SH2B1: variants seen among roughly 807,000 people sequenced by gnomAD.
SH2B1 encodes SH2B adapter protein 1.
A neutral mutation model predicts 62.6 loss-of-function variants in SH2B1; 15 were observed. The ratio of observed to expected loss-of-function variants is 0.24; its 90% confidence interval spans 0.16 to 0.37. SH2B1 has a LOEUF of 0.37. Ranked by LOEUF, SH2B1 falls within the 10% of genes least tolerant of loss-of-function variation. The pLI, the probability that SH2B1 is intolerant of heterozygous loss-of-function variation, is 1.00. For synonymous variants in SH2B1, 443 were observed against 438.0 expected, an observed-to-expected ratio of 1.01 and a Z score of -0.14; for missense variants, 925 against 1,015.6, an observed-to-expected ratio of 0.91 and a Z score of 1.21.
chr16:28,854,421 A>G (rs1237819981), intron 1 of SH2B1, among the ~76,000 whole-genome samples: 1 of 152,102 alleles, frequency 6.6e-6, no homozygotes, highest in Non-Finnish European at 1.5e-5. Flanking sequence ...TATCTCAATC[A>G]TGGTAGGTGA....
chr16:28,853,037 CAT>C (rs1247937288), intron 1 of SH2B1, among the ~76,000 whole-genome samples: 1 of 79,236 alleles, frequency 1.3e-5, no homozygotes, highest in East Asian at 4.0e-4. Flanking sequence ...TATATATGTA[CAT>C]ATATATTTAT....
intron 1 of SH2B1, among the ~76,000 whole-genome samples, chr16:28,847,029 C>T (rs1040977649): frequency 2.6e-5 from 4 of 152,204 alleles, no homozygotes; most frequent in African/African-American, 9.6e-5. Flanking sequence ...TGCGGGGACC[C>T]TGTACTGCTA....
intron 2 of SH2B1, 151 bp from the exon 3 acceptor site, chr16:28,868,855 G>A: frequency 1.5e-6 from 1 of 666,958 alleles, no homozygotes; most frequent in South Asian, 1.7e-5. Context: ...AGAGGTGCTG[G>A]GATTACAGGT....
chr16:28,855,528 T>C (rs566844897), intron 1 of SH2B1, among the ~76,000 whole-genome samples: 5 of 150,880 alleles, frequency 3.3e-5, no homozygotes, highest in African/African-American at 1.2e-4. Flanking sequence ...GCCCCCATGA[T>C]TGTTTCTACC....
At chr16:28,847,580 G>A (rs768318651) in intron 1 of SH2B1, among the ~76,000 whole-genome samples, 66 of 152,102 alleles carry the variant, frequency 4.3e-4, no homozygotes, top group Non-Finnish European at 7.9e-4. Flanking sequence ...CAGTTTGGGA[G>A]GCTGAGGTGG....
At chr16:28,849,281 A>G (rs1962048380) in intron 1 of SH2B1, among the ~76,000 whole-genome samples, 1 of 151,984 alleles carries the variant, frequency 6.6e-6, no homozygotes, top group African/African-American at 2.4e-5. Flanking sequence ...TTTTTTGTAG[A>G]GATGGGGTTT....
chr16:28,856,320 T>A (rs1962324820), intron 1 of SH2B1, among the ~76,000 whole-genome samples: 1 of 151,618 alleles, frequency 6.6e-6, no homozygotes, highest in African/African-American at 2.4e-5. Flanking sequence ...GCCTAATACT[T>A]AAGTGAATCA....
At position 28,874,024 on chromosome 16, in the gene SH2B1, C is replaced by T. The variant is rs895483287; in HGVS notation, c.*204C>T. 14 of 430,814 alleles carry T rather than the reference C, an allele frequency of 3.2e-5. No homozygotes were observed. The highest frequency in any genetic ancestry group is 1.8e-4 in the Admixed American group (4 of 22,676). The allele number at this position is 430,814 out of a possible 1,614,324, so 26.7% of individuals were successfully genotyped here. On this transcript the variant is annotated 3_prime_UTR_variant, in exon 8 of 8. Transcript: ENST00000684370. ...CCCTCCCCAGGGCAGGGGATTTGGG[C>T]TCCATGAGCTCCTTGAGGGGCTCTT...
chr16:28,851,253 G>C (rs1489387457), intron 1 of SH2B1, among the ~76,000 whole-genome samples: 1 of 150,852 alleles, frequency 6.6e-6, no homozygotes, highest in Non-Finnish European at 1.5e-5. Context: ...CTGAACGTGG[G>C]GCACCACTGT....
At position 28,869,775 on chromosome 16, in the gene SH2B1, G is replaced by A. The variant is rs144763038; in HGVS notation, c.1309+392G>A. Among the ~76,000 whole-genome samples, 36 of 152,184 alleles carry A rather than the reference G, an allele frequency of 2.4e-4. No individual in the cohort carries two copies. In the East Asian group the frequency reaches 6.9e-3, roughly 29 times the overall value. On this transcript the variant is annotated intron_variant, in intron 4 of 7. Coordinates refer to ENST00000684370, the MANE Select transcript of SH2B1 (RefSeq NM_001387430.1). Reference sequence around the variant, plus strand: ...GTCAGGGGCAATCACGTTTTCTCTTGACTCTGTACTTTTTGGTCTGACCAA... The same window carrying A: ...GTCAGGGGCAATCACGTTTTCTCTTAACTCTGTACTTTTTGGTCTGACCAA...
chr16:28,869,854 C>T (rs1567470174), intron 4 of SH2B1, among the ~76,000 whole-genome samples: 1 of 152,210 alleles, frequency 6.6e-6, no homozygotes. Flanking sequence ...CACCCAGTCC[C>T]AACTCATATT....
chr16:28,873,628 C>T lies in SH2B1; in HGVS notation c.2079C>T (p.Val693=). 1 of 1,540,628 alleles carries T rather than the reference C, an allele frequency of 6.5e-7. No individual in the cohort carries two copies. Among genetic ancestry groups the T allele is most frequent in the Non-Finnish European group, 8.8e-7 (1 of 1,142,110 alleles). The change falls in exon 8 of 8, where the codon GTC becomes GTT. Residue 693 remains valine (V), a synonymous_variant. Transcript: ENST00000684370. The surrounding 1 kb of genome is among the most constrained non-coding windows in gnomAD (Gnocchi z 4.2). ...GTGGAGGGGTCCCGGAAGAGCTGGT[C>T]CCCGTGGTTGAGCTGGTCCCCGTGG... ...AGGGGVPEEL[V]PVVELVPVVE...
intron 1 of SH2B1, among the ~76,000 whole-genome samples, chr16:28,851,292 C>A (rs919105954): frequency 1.3e-5 from 2 of 151,892 alleles, no homozygotes; most frequent in African/African-American, 4.8e-5. Flanking sequence ...CACACCTACG[C>A]TCCTCCCCAG....
At chr16:28,851,937 C>T (rs1402732558) in intron 1 of SH2B1, among the ~76,000 whole-genome samples, 7 of 149,342 alleles carry the variant, frequency 4.7e-5, no homozygotes, top group African/African-American at 9.8e-5. Flanking sequence ...CATGGTGGTG[C>T]GCACCTGTGG....
intron 1 of SH2B1, among the ~76,000 whole-genome samples, chr16:28,853,015 TATATATGTACATATATATGTACATA>T (rs1962223995): frequency 2.9e-5 from 1 of 34,412 alleles, no homozygotes; most frequent in Admixed American, 3.7e-4. Flanking sequence ...CATATATATT[TATATATGTACATATATATGTACATA>T]TATATTTATA....
chr16:28,856,962 T>G (rs1962333776), intron 1 of SH2B1, among the ~76,000 whole-genome samples: 1 of 152,012 alleles, frequency 6.6e-6, no homozygotes, highest in Admixed American at 6.6e-5. Flanking sequence ...AAGCACTTGG[T>G]GAATGTCATA....
Position 28,866,644 on chromosome 16 carries a change from C to T in SH2B1, c.550C>T (p.Pro184Ser). 3.7e-6 allele frequency: 6 copies of T among 1,612,700 alleles called. No homozygotes were observed. Among genetic ancestry groups the T allele is most frequent in the Non-Finnish European group, 5.1e-6 (6 of 1,179,260 alleles). ...GTVDPPSSAG[P>S]LETSSGPPVL... is the part of the protein sequence containing the mutation. ...CGTTGACCCTCCCTCCTCCGCTGGG[C>T]CCCTGGAGACCTCGTCAGGCCCCCC... The change falls in exon 1 of 8, where the codon CCC (proline) becomes TCC (serine). Residue 184 changes from proline (P) to serine (S), a missense_variant. By Grantham distance (74) the Pro-to-Ser change is moderately conservative. Transcript: ENST00000684370. This position sits in a 1 kb window ranked among gnomAD's most constrained non-coding sequence, Gnocchi z 6.3.
chr16:28,852,733 T>C (rs1205784590), intron 1 of SH2B1, among the ~76,000 whole-genome samples: 4 of 64,374 alleles, frequency 6.2e-5, no homozygotes, highest in Non-Finnish European at 1.0e-4. Context: ...TTTATATATA[T>C]ACATATATAT....
intron 1 of SH2B1, among the ~76,000 whole-genome samples, chr16:28,856,687 C>T (rs1962329763): frequency 6.7e-6 from 1 of 148,344 alleles, no homozygotes; most frequent in African/African-American, 2.4e-5. Context: ...AGAGGAAGCT[C>T]AAGGGCATCC....
Sources: allele counts gnomAD v4.1 joint callset (sites outside exome capture counted in the v4.1 genomes callset), GRCh38; gene constraint gnomAD v4.1.1; non-coding constraint Gnocchi (gnomAD v3.1); transcripts MANE v1.5; gene names NCBI Gene and HGNC (gene_info 2026-07-23, HGNC 2026-07-21).